Variants in POU2F1 observed in about 807,000 individuals in gnomAD.
POU2F1 encodes the protein POU domain, class 2, transcription factor 1.
POU2F1 carries 16 observed loss-of-function variants against 84.9 expected under a neutral mutation model. The observed-to-expected ratio is 0.19, with a 90% confidence interval of 0.13 to 0.29. POU2F1 has a LOEUF of 0.29. Ranked by LOEUF, POU2F1 falls within the 10% of genes least tolerant of loss-of-function variation. The pLI is 1.00. For missense variants in POU2F1, 738 were observed against 942.6 expected, an observed-to-expected ratio of 0.78 and a Z score of 2.84; for synonymous variants, 368 against 368.3, an observed-to-expected ratio of 1.00 and a Z score of 0.01.
At chr1:167,243,800 T>C (rs1650099150) in intron 1 of POU2F1, among the ~76,000 whole-genome samples, 1 of 152,204 alleles carries the variant, frequency 6.6e-6, no homozygotes, top group Non-Finnish European at 1.5e-5. Flanking sequence ...GAATTAAGTT[T>C]CAGGATTGAC....
chr1:167,338,183 T>C (rs1408232143), intron 2 of POU2F1: 1 of 468,522 alleles, frequency 2.1e-6, no homozygotes, highest in Non-Finnish European at 4.4e-6. Context: ...ACCCCTCCTG[T>C]TCCTCCTTCT....
chr1:167,341,706 C>T (rs188993506), intron 2 of POU2F1, among the ~76,000 whole-genome samples: 1 of 152,320 alleles, frequency 6.6e-6, no homozygotes, highest in East Asian at 1.9e-4. Flanking sequence ...TGTTTCAGTG[C>T]ACTCTTTTAG....
At chr1:167,374,055 T>C in intron 5 of POU2F1, 53 bp from the exon 6 acceptor site, 1 of 1,564,862 alleles carries the variant, frequency 6.4e-7, no homozygotes, top group Non-Finnish European at 8.8e-7. Flanking sequence ...TGGCTTGCAT[T>C]AGGAGACTTT....
At chr1:167,357,318 C>G (rs928350218) in intron 2 of POU2F1, 3 of 147,724 alleles carry the variant, frequency 2.0e-5, no homozygotes, top group Non-Finnish European at 4.5e-5. Context: ...GTTAAAGAAA[C>G]TTGTATTCCT....
chr1:167,373,282 A>G (rs539689998), intron 5 of POU2F1, among the ~76,000 whole-genome samples: 2 of 152,216 alleles, frequency 1.3e-5, no homozygotes, highest in African/African-American at 2.4e-5. Flanking sequence ...AGTAGAACAC[A>G]TTTACTACTT....
intron 1 of POU2F1, among the ~76,000 whole-genome samples, chr1:167,230,676 G>A (rs1167501121): frequency 1.3e-5 from 2 of 152,142 alleles, no homozygotes; most frequent in Admixed American, 6.5e-5. Flanking sequence ...TCTGAAATTA[G>A]CACTTAATTT....
At chr1:167,414,433 A>G (rs994962659) in intron 15 of POU2F1, 1 of 985,452 alleles carries the variant, frequency 1.0e-6, no homozygotes, top group African/African-American at 1.7e-5. Flanking sequence ...AGCAAGGCCA[A>G]AGTCAGAGGC....
chr1:167,329,262 TAGA>T (rs1277373744), intron 1 of POU2F1: 42 of 1,548,114 alleles, frequency 2.7e-5, no homozygotes, highest in Non-Finnish European at 3.4e-5. Flanking sequence ...TCTGCTCCTC[TAGA>T]AGATTTCACA....
At chr1:167,300,861 C>T (rs1196815372) in intron 1 of POU2F1, among the ~76,000 whole-genome samples, 3 of 152,110 alleles carry the variant, frequency 2.0e-5, no homozygotes, top group African/African-American at 7.2e-5. Flanking sequence ...ACCTCCAACC[C>T]CCTGGTTCAG....
intron 1 of POU2F1, among the ~76,000 whole-genome samples, chr1:167,287,892 A>G (rs537442171): frequency 4.5e-4 from 69 of 152,354 alleles, no homozygotes; most frequent in Middle Eastern, 3.4e-3. Flanking sequence ...CTTAATAGAG[A>G]GTAGAAAAAA....
chr1:167,254,907 A>G (rs1326260169), intron 1 of POU2F1, among the ~76,000 whole-genome samples: 1 of 152,182 alleles, frequency 6.6e-6, no homozygotes, highest in East Asian at 1.9e-4. Flanking sequence ...TCATTCTACA[A>G]CATTTATTGT....
chr1:167,298,968 A>T (rs1654468931), intron 1 of POU2F1, among the ~76,000 whole-genome samples: 1 of 152,140 alleles, frequency 6.6e-6, no homozygotes, highest in Non-Finnish European at 1.5e-5. Context: ...GTTCGAGACC[A>T]GCCTGACCAA....
At chr1:167,233,836 G>A (rs116317121) in intron 1 of POU2F1, among the ~76,000 whole-genome samples, 251 of 152,302 alleles carry the variant, frequency 1.6e-3, no homozygotes, top group African/African-American at 5.8e-3. Flanking sequence ...GGAAATTGTG[G>A]ACGAGATTCC....
At chr1:167,261,454 G>A (rs1231800444) in intron 1 of POU2F1, among the ~76,000 whole-genome samples, 1 of 152,116 alleles carries the variant, frequency 6.6e-6, no homozygotes, top group Non-Finnish European at 1.5e-5. Context: ...CCTCTGCATG[G>A]GTTATTTTTC....
chr1:167,261,874 G>A (rs190848691), intron 1 of POU2F1, among the ~76,000 whole-genome samples: 213 of 152,182 alleles, frequency 1.4e-3, no homozygotes, highest in African/African-American at 4.5e-3. Context: ...CAGTAGAGAT[G>A]AGGTTTCACC....
chr1:167,370,330 T>C (rs933325984), intron 4 of POU2F1, 116 bp downstream of exon 4: 4 of 765,574 alleles, frequency 5.2e-6, no homozygotes, highest in Non-Finnish European at 7.7e-6. Context: ...TTTTCAAAAT[T>C]AGTGAATCTC....
intron 1 of POU2F1, among the ~76,000 whole-genome samples, chr1:167,245,495 C>T (rs903008140): frequency 6.6e-6 from 1 of 151,108 alleles, no homozygotes; most frequent in African/African-American, 2.4e-5. Context: ...CTCACTGCAA[C>T]CTCCACCTAC....
At chr1:167,280,229 G>C (rs536906662) in intron 1 of POU2F1, among the ~76,000 whole-genome samples, 284 of 150,508 alleles carry the variant, frequency 1.9e-3, no homozygotes, top group African/African-American at 6.7e-3. Context: ...TGTGATATCA[G>C]AAATAATAAA....
At chr1:167,323,987 C>T (rs1179984397) in intron 1 of POU2F1, among the ~76,000 whole-genome samples, 1 of 152,014 alleles carries the variant, frequency 6.6e-6, no homozygotes, top group African/African-American at 2.4e-5. Flanking sequence ...GTCACCGCAC[C>T]CAGCCTAATT....
Sources: allele counts gnomAD v4.1 joint callset (sites outside exome capture counted in the v4.1 genomes callset), GRCh38; gene constraint gnomAD v4.1.1; transcripts MANE v1.5; gene names NCBI Gene and HGNC (gene_info 2026-07-23, HGNC 2026-07-21).